Variants in TSPEAR observed in about 807,000 individuals in gnomAD.
TSPEAR encodes thrombospondin type laminin G domain and EAR repeats.
TSPEAR carries 69 observed loss-of-function variants against 71.6 expected under a neutral mutation model. The observed-to-expected ratio is 0.96, with a 90% CI of 0.79 to 1.18. TSPEAR has a LOEUF of 1.18. Among genes scored for constraint, TSPEAR ranks in the 50% most tolerant of loss-of-function variants. The probability of loss-of-function intolerance (pLI) is 0.00; values close to 1 mark genes in which losing one functional copy is unlikely to be tolerated. For synonymous variants in TSPEAR, 402 were observed against 387.2 expected (o/e 1.04, Z -0.45); for missense variants, 971 against 894.9 (o/e 1.09, Z -1.09).
In TSPEAR at chr21:44,533,689, C is replaced by T. The variant is rs782488058; in HGVS notation, c.538G>A (p.Asp180Asn). Residue 180 changes from aspartate to asparagine, a missense_variant, in exon 3 of 12, where the codon GAC (aspartate) becomes AAC (asparagine). Transcript: ENST00000323084. ...CCTCCCCGGGTGGGTACCTACATGT[C>T]CACCGGGAGGCCGCAGTCCGTGGTG... is the stretch of plus-strand genomic sequence containing the variant. Reference protein sequence around the residue: ...SLTTDCGLPVDIMADVPFPAT... With the variant: ...SLTTDCGLPVNIMADVPFPAT... 2.5e-6 allele frequency: 4 copies of T among 1,606,414 alleles called. No homozygotes were observed. The highest frequency in any genetic ancestry group is 3.3e-5 in the Admixed American group (2 of 59,850).
intron 1 of TSPEAR, among the ~76,000 whole-genome samples, chr21:44,680,392 A>C (rs1986524051): frequency 6.6e-6 from 1 of 152,242 alleles, no homozygotes; most frequent in South Asian, 2.1e-4. Flanking sequence ...GACAAAAAAT[A>C]ACAGATGCTG....
Position 44,574,515 on chromosome 21 carries a change from C to T in TSPEAR, c.83-6510G>A, listed in dbSNP as rs202055389. 9 of 1,609,512 alleles carry T rather than the reference C, an allele frequency of 5.6e-6. No homozygotes were observed. The Admixed American group carries it at 1.3e-4, about 24-fold the overall frequency. On this transcript the variant is annotated intron_variant, in intron 1 of 11. Transcript: ENST00000323084. The stretch of plus-strand genomic sequence containing the variant: ...TGAGGATTCCTCTTCATGCTGCCAG[C>T]AGTCTAGCTGCCAGCCGGCTTGCTG...
At position 44,627,259 on chromosome 21, in the gene TSPEAR, C is replaced by T. The variant is rs1247290606; in HGVS notation, c.83-59254G>A. 12 of 1,612,574 alleles carry T rather than the reference C, an allele frequency of 7.4e-6. No homozygotes were observed. Among genetic ancestry groups the T allele is most frequent in the Non-Finnish European group, 1.0e-5 (12 of 1,179,992 alleles). Reference sequence around the variant, plus strand: ...CTGCCCAGAGAGCTGCTGTGAGCCCCCCTGCTGCGCCACCAGCTGCTGCGC... The same window carrying T: ...CTGCCCAGAGAGCTGCTGTGAGCCCTCCTGCTGCGCCACCAGCTGCTGCGC... On this transcript the variant is annotated intron_variant, in intron 1 of 11. Coordinates refer to ENST00000323084, the MANE Select transcript of TSPEAR (RefSeq NM_144991.3).
rs1569147340 is a variant in TSPEAR at position 44,502,923 on chromosome 21, CTGG to C, written c.1856+1854_1856+1856del. Among the ~76,000 whole-genome samples the C allele has an allele frequency of 3.7e-4, 25 of 68,042 alleles. 1 individual carries two copies. Among genetic ancestry groups the C allele is most frequent in the African/African-American group, 9.7e-4 (23 of 23,698 alleles). 44.6% of individuals were successfully genotyped at this position (68,042 alleles called of 152,430 possible). Reference sequence around the variant, plus strand: ...GGGGAAGTAAGGCGCTGGGAGGAAGCTGGCCTCAGTGAGCCCTCGGGGAAGCAA... The same window carrying C: ...GGGGAAGTAAGGCGCTGGGAGGAAGCCCTCAGTGAGCCCTCGGGGAAGCAA... On this transcript the variant is annotated intron_variant, in intron 11 of 11. Coordinates refer to ENST00000323084, the MANE Select transcript of TSPEAR (RefSeq NM_144991.3).
chr21:44,702,894 G>T (rs1987726812), intron 1 of TSPEAR: 1 of 653,018 alleles, frequency 1.5e-6, no homozygotes, highest in South Asian at 1.8e-5. Context: ...ACACCGCACT[G>T]GTACACACCA....
chr21:44,516,153 C>G (rs1443494147), intron 9 of TSPEAR: 1 of 152,266 alleles, frequency 6.6e-6, no homozygotes, highest in South Asian at 2.1e-4. Context: ...GACCACCTTC[C>G]AGAAATCTCC....
chr21:44,591,575 C>CGGA, intron 1 of TSPEAR: 1 of 1,612,686 alleles, frequency 6.2e-7, no homozygotes, highest in Non-Finnish European at 8.5e-7. Context: ...AGGAGGGACA[C>CGGA]GGAGGAGGAG....
intron 1 of TSPEAR, among the ~76,000 whole-genome samples, chr21:44,644,508 G>A (rs926674129): frequency 2.6e-5 from 4 of 152,094 alleles, no homozygotes; most frequent in African/African-American, 9.7e-5. Context: ...GGCTCAGCAG[G>A]GTCCTTCATA....
Position 44,499,396 on chromosome 21 carries a change from G to A in TSPEAR, c.*387C>T. The A allele has an allele frequency of 5.1e-6, 1 of 196,960 alleles. No individual in the cohort carries two copies. The highest frequency in any genetic ancestry group is 1.1e-4 in the South Asian group (1 of 9,246). 12.2% of individuals were successfully genotyped at this position (196,960 alleles called of 1,614,324 possible). On this transcript the variant is annotated 3_prime_UTR_variant, in exon 12 of 12. Transcript: ENST00000323084. ...GGACGGCACCACACCTGCTCAGGCG[G>A]CCGGACGCACACTGCAGGAGTGGCT...
chr21:44,654,528 C>T, intron 1 of TSPEAR: 2 of 1,612,792 alleles, frequency 1.2e-6, no homozygotes, highest in Non-Finnish European at 1.7e-6. Context: ...TCCCATAGCC[C>T]TCGGGTGGGT....
At chr21:44,586,197 T>C (rs1555925659) in intron 1 of TSPEAR, among the ~76,000 whole-genome samples, 1 of 152,260 alleles carries the variant, frequency 6.6e-6, no homozygotes, top group African/African-American at 2.4e-5. Flanking sequence ...ATGGCTGTCC[T>C]CATGTGCTGT....
At chr21:44,681,553 A>G in intron 1 of TSPEAR, 2 of 451,662 alleles carry the variant, frequency 4.4e-6, no homozygotes, top group East Asian at 6.7e-5. Context: ...TAGAAATAAA[A>G]AAGAGAGACA....
At chr21:44,578,117 AC>A (rs1198786354) in intron 1 of TSPEAR, among the ~76,000 whole-genome samples, 1 of 152,020 alleles carries the variant, frequency 6.6e-6, no homozygotes, top group Non-Finnish European at 1.5e-5. Flanking sequence ...AGTCCATTAA[AC>A]CTCTTTCTTT....
chr21:44,666,290 G>T, intron 1 of TSPEAR: 1 of 974,370 alleles, frequency 1.0e-6, no homozygotes, highest in Non-Finnish European at 1.5e-6. Context: ...AAGGGCTCCA[G>T]ATCATTCTGT....
rs782720993 is a variant in TSPEAR at position 44,509,179 on chromosome 21, T to C, written c.1754+20A>G. 1 of 1,608,596 alleles carries C rather than the reference T, an allele frequency of 6.2e-7. No homozygotes were observed. Among genetic ancestry groups the C allele is most frequent in the Non-Finnish European group, 8.5e-7 (1 of 1,175,922 alleles). The stretch of plus-strand genomic sequence containing the variant: ...TCCCAGAGATCAGCCCACCTCCCAC[T>C]GGCCTGTGGAGGCGCATACCTGCAG... On this transcript the variant is annotated intron_variant, in intron 10 of 11. Transcript: ENST00000323084.
intron 1 of TSPEAR, among the ~76,000 whole-genome samples, chr21:44,569,400 G>A (rs587744369): frequency 3.9e-5 from 6 of 152,028 alleles, no homozygotes; most frequent in African/African-American, 9.7e-5. Flanking sequence ...AGGAACAGCC[G>A]GCAAAGCAGC....
chr21:44,550,753 G>A (rs782725166), intron 2 of TSPEAR: 18 of 1,614,204 alleles, frequency 1.1e-5, no homozygotes, highest in South Asian at 5.5e-5. Flanking sequence ...CACACGGGGC[G>A]GCAGAGGAGG....
rs781899847 is a variant in TSPEAR at position 44,658,251 on chromosome 21, G to A, written c.82+53182C>T. On this transcript the variant is annotated intron_variant, in intron 1 of 11. Coordinates refer to ENST00000323084, the MANE Select transcript of TSPEAR (RefSeq NM_144991.3). ...GCCCTCTGCAGACCCATCTCCTGCA[G>A]CACCCCTTCCTGCTGCTGACCAGCT... 9.9e-6 allele frequency: 16 copies of A among 1,613,762 alleles called. No homozygotes were observed. Among genetic ancestry groups the A allele is most frequent in the Admixed American group, 1.7e-5 (1 of 60,020 alleles).
rs1172582933 is a variant in TSPEAR at position 44,539,162 on chromosome 21, G to A, written c.304-5239C>T. On this transcript the variant is annotated intron_variant, in intron 2 of 11. Coordinates refer to ENST00000323084, the MANE Select transcript of TSPEAR (RefSeq NM_144991.3). The stretch of plus-strand genomic sequence containing the variant: ...GGATGGAGGCTCCTGGGAGCAAGGA[G>A]GGGGGGTCACCTCAGCACAGGGGAG... The A allele has an allele frequency of 6.5e-6, 9 of 1,382,522 alleles. No homozygotes were observed. In the Admixed American group the frequency reaches 1.4e-4, roughly 21 times the overall value. 85.6% of individuals were successfully genotyped at this position (1,382,522 alleles called of 1,614,324 possible). A position where few individuals can be genotyped will look rare whatever the true frequency, so the allele number is the denominator to read the frequency against.
Sources: allele counts gnomAD v4.1 joint callset (sites outside exome capture counted in the v4.1 genomes callset), GRCh38; gene constraint gnomAD v4.1.1; transcripts MANE v1.5; gene names NCBI Gene and HGNC (gene_info 2026-07-23, HGNC 2026-07-21).